The following ARL8B variants were observed in gnomAD, a reference collection of about 807,000 sequenced individuals.
ARL8B encodes ADP-ribosylation factor-like protein 8B.
ARL8B carries 9 observed loss-of-function variants against 30.6 expected under a neutral mutation model. The observed-to-expected ratio is 0.29, with a 90% CI of 0.18 to 0.51. The LOEUF (loss-of-function observed/expected upper bound fraction) is 0.51, where lower values mean the gene tolerates loss of function less well. Among genes scored for constraint, ARL8B ranks in the 20% least tolerant of loss-of-function variants. ARL8B has a pLI of 0.97. For synonymous variants in ARL8B, 74 were observed against 76.0 expected (o/e 0.97, Z 0.14); for missense variants, 130 against 227.2 (o/e 0.57, Z 2.75).
intron 1 of ARL8B, among the ~76,000 whole-genome samples, chr3:5,153,510 C>T (rs1328115851): frequency 6.6e-6 from 1 of 152,050 alleles, no homozygotes; most frequent in Non-Finnish European, 1.5e-5. Flanking sequence ...TCCATTAAAC[C>T]TCTTTCTTTT....
At chr3:5,166,451 C>T (rs989878312) in intron 1 of ARL8B, among the ~76,000 whole-genome samples, 3 of 149,722 alleles carry the variant, frequency 2.0e-5, no homozygotes, top group African/African-American at 7.4e-5. Context: ...CAAGCGATTG[C>T]ATCAGCTTCC....
intron 1 of ARL8B, among the ~76,000 whole-genome samples, chr3:5,154,883 G>C (rs994434240): frequency 3.0e-5 from 4 of 134,944 alleles, no homozygotes; most frequent in Non-Finnish European, 6.1e-5. Flanking sequence ...GTGGATTTTT[G>C]TGGTTGTTTT....
chr3:5,168,271 G>A (rs192320592), intron 1 of ARL8B, among the ~76,000 whole-genome samples: 14 of 152,236 alleles, frequency 9.2e-5, no homozygotes, highest in Non-Finnish European at 2.9e-5. Flanking sequence ...AGGTTTTGCC[G>A]TGTCACCCAG....
At chr3:5,146,845 C>T (rs2054422822) in intron 1 of ARL8B, among the ~76,000 whole-genome samples, 1 of 152,084 alleles carries the variant, frequency 6.6e-6, no homozygotes, top group Admixed American at 6.6e-5. Flanking sequence ...TGGTTCAGTA[C>T]CCCTTGGTGA....
intron 1 of ARL8B, among the ~76,000 whole-genome samples, chr3:5,141,345 T>C (rs2054371779): frequency 6.6e-6 from 1 of 152,256 alleles, no homozygotes; most frequent in South Asian, 2.1e-4. Flanking sequence ...CTTTTGGTCC[T>C]CAAATTGCTT....
At chr3:5,129,716 T>G (rs981628665) in intron 1 of ARL8B, among the ~76,000 whole-genome samples, 2 of 152,056 alleles carry the variant, frequency 1.3e-5, no homozygotes, top group African/African-American at 2.4e-5. Context: ...CTGGCTAATT[T>G]TTTTAAACAA....
intron 5 of ARL8B, 63 bp from the exon 6 acceptor site, chr3:5,174,281 A>G (rs776871767): frequency 8.1e-7 from 1 of 1,240,380 alleles, no homozygotes; most frequent in Non-Finnish European, 1.2e-6. Context: ...AGTAAAATTG[A>G]ACAAAGTGAT....
At chr3:5,162,944 G>C (rs2054594538) in intron 1 of ARL8B, among the ~76,000 whole-genome samples, 1 of 150,566 alleles carries the variant, frequency 6.6e-6, no homozygotes, top group African/African-American at 2.5e-5. Flanking sequence ...CATGTTTGTT[G>C]GGCCTATCTT....
At chr3:5,176,930 C>A (rs1321178524) in intron 6 of ARL8B, among the ~76,000 whole-genome samples, 1 of 152,006 alleles carries the variant, frequency 6.6e-6, no homozygotes, top group Non-Finnish European at 1.5e-5. Flanking sequence ...TGGGTAGATA[C>A]CAGAAATGTA....
chr3:5,135,756 C>CTATTATTATTAT (rs111824873), intron 1 of ARL8B, among the ~76,000 whole-genome samples: 22 of 126,934 alleles, frequency 1.7e-4, no homozygotes, highest in Middle Eastern at 4.3e-3. Flanking sequence ...CGCACCTGGC[C>CTATTATTATTAT]TATTATTATT....
At chr3:5,172,612 G>C in intron 3 of ARL8B, 35 bp from the exon 4 acceptor site, 1 of 1,374,454 alleles carries the variant, frequency 7.3e-7, no homozygotes, top group Non-Finnish European at 1.0e-6. Flanking sequence ...AAGGCATACA[G>C]AGAAGGTATG....
chr3:5,127,010 T>G (rs1018649732), intron 1 of ARL8B, among the ~76,000 whole-genome samples: 8 of 152,230 alleles, frequency 5.3e-5, no homozygotes, highest in African/African-American at 1.9e-4. Flanking sequence ...TTTTGCACAT[T>G]GTTGATACCT....
intron 1 of ARL8B, among the ~76,000 whole-genome samples, chr3:5,126,406 C>A (rs536966580): frequency 2.2e-4 from 34 of 152,248 alleles, no homozygotes; most frequent in African/African-American, 7.7e-4. Context: ...GAAGCGACTT[C>A]TCAGGTATGA....
chr3:5,159,281 C>T (rs1407461009), intron 1 of ARL8B, among the ~76,000 whole-genome samples: 1 of 113,382 alleles, frequency 8.8e-6, no homozygotes, highest in African/African-American at 3.7e-5. Flanking sequence ...GCTTGGGTGA[C>T]AGAGTGACTC....
chr3:5,136,431 T>C (rs1261547800), intron 1 of ARL8B, among the ~76,000 whole-genome samples: 1 of 152,204 alleles, frequency 6.6e-6, no homozygotes, highest in African/African-American at 2.4e-5. Flanking sequence ...TTACACATCC[T>C]TTAGGGTCTT....
intron 1 of ARL8B, among the ~76,000 whole-genome samples, chr3:5,145,189 G>A (rs1296022162): frequency 6.6e-6 from 1 of 152,146 alleles, no homozygotes; most frequent in Non-Finnish European, 1.5e-5. Flanking sequence ...TTTGTATTCA[G>A]TGATATCTAA....
chr3:5,174,226 T>G, intron 5 of ARL8B, 118 bp from the exon 6 acceptor site: 1 of 1,072,192 alleles, frequency 9.3e-7, no homozygotes, highest in Non-Finnish European at 1.4e-6. Flanking sequence ...CCTAACATTT[T>G]AGGATTGCTA....
chr3:5,132,381 C>G (rs1158304506), intron 1 of ARL8B, among the ~76,000 whole-genome samples: 1 of 152,022 alleles, frequency 6.6e-6, no homozygotes, highest in Non-Finnish European at 1.5e-5. Flanking sequence ...CAGCCTCAGG[C>G]TCTCCCCACC....
At chr3:5,158,775 G>T (rs1195748542) in intron 1 of ARL8B, among the ~76,000 whole-genome samples, 1 of 151,742 alleles carries the variant, frequency 6.6e-6, no homozygotes, top group Non-Finnish European at 1.5e-5. Context: ...TACTGTTTTA[G>T]TAGGCTTTAT....
Sources: allele counts gnomAD v4.1 joint callset (sites outside exome capture counted in the v4.1 genomes callset), GRCh38; gene constraint gnomAD v4.1.1; transcripts MANE v1.5; gene names NCBI Gene and HGNC (gene_info 2026-07-23, HGNC 2026-07-21).